The following THSD7A variants were observed in gnomAD, a reference collection of about 807,000 sequenced individuals.
THSD7A encodes thrombospondin type 1 domain containing 7A.
Under a neutral mutation model 231.3 loss-of-function variants are expected in THSD7A, and 96 were observed. That is an observed-to-expected ratio of 0.41 (90% CI 0.35 to 0.49). The LOEUF (loss-of-function observed/expected upper bound fraction) is 0.49, where lower values mean the gene tolerates loss of function less well. Among genes scored for constraint, THSD7A ranks in the 20% least tolerant of loss-of-function variants. The pLI, the probability that THSD7A is intolerant of heterozygous loss-of-function variation, is 0.05. For missense variants in THSD7A, 2,290 were observed against 2,070.2 expected (o/e 1.11, Z -2.06); for synonymous variants, 940 against 743.3 (o/e 1.26, Z -4.30).
intron 1 of THSD7A, among the ~76,000 whole-genome samples, chr7:11,673,208 G>A (rs1021392021): frequency 2.0e-5 from 3 of 152,060 alleles, no homozygotes; most frequent in African/African-American, 7.2e-5. Context: ...GTAAGGAAGA[G>A]GTGAGTAAAA....
In THSD7A at chr7:11,374,200, A is replaced by G. The variant is rs1583624730; in HGVS notation, c.*1594T>C. The G allele has an allele frequency of 1.3e-5, 2 of 152,250 alleles. No individual in the cohort carries two copies. Among genetic ancestry groups the G allele is most frequent in the East Asian group, 3.9e-4 (2 of 5,184 alleles). 9.4% of individuals were successfully genotyped at this position (152,250 alleles called of 1,614,324 possible). On this transcript the variant is annotated 3_prime_UTR_variant, in exon 28 of 28. Coordinates refer to ENST00000423059, the MANE Select transcript of THSD7A (RefSeq NM_015204.3). Reference sequence around the variant, plus strand: ...GTTTTTGTAAGGGAAGTTATATAGGAAAACAGTTATGTTCATTCTTTTATT... The same window carrying G: ...GTTTTTGTAAGGGAAGTTATATAGGGAAACAGTTATGTTCATTCTTTTATT...
At chr7:11,476,914 A>T (rs1274182270) in intron 7 of THSD7A, among the ~76,000 whole-genome samples, 4 of 152,174 alleles carry the variant, frequency 2.6e-5, no homozygotes, top group Non-Finnish European at 4.4e-5. Context: ...AGTGAAATTA[A>T]AAGTATGATA....
chr7:11,590,722 C>G lies in THSD7A; in HGVS notation c.1272-81G>C. The stretch of plus-strand genomic sequence containing the variant: ...CTACTCCTGTCATACTTTGTTTTAA[C>G]GAAAATTAGTCTCAAAATCATTTTC... On this transcript the variant is annotated intron_variant, in intron 3 of 27. Coordinates refer to ENST00000423059, the MANE Select transcript of THSD7A (RefSeq NM_015204.3). This position sits in a 1 kb window ranked among gnomAD's most constrained non-coding sequence, Gnocchi z 4.4. 7.0e-7 allele frequency: 1 copy of G among 1,431,792 alleles called. No homozygotes were observed. Among genetic ancestry groups the G allele is most frequent in the African/African-American group, 1.4e-5 (1 of 69,726 alleles). 88.7% of individuals were successfully genotyped at this position (1,431,792 alleles called of 1,614,324 possible).
At chr7:11,723,972 A>G (rs1036675182) in intron 1 of THSD7A, among the ~76,000 whole-genome samples, 14 of 151,908 alleles carry the variant, frequency 9.2e-5, no homozygotes, top group Admixed American at 9.2e-4. Context: ...GAATAGACCC[A>G]AAAGCAGTAA....
At chr7:11,525,190 C>T (rs146216462) in intron 6 of THSD7A, among the ~76,000 whole-genome samples, 56 of 152,262 alleles carry the variant, frequency 3.7e-4, no homozygotes, top group African/African-American at 1.3e-3. Context: ...TCAGATGCAA[C>T]TTCTGTTTGT....
intron 1 of THSD7A, among the ~76,000 whole-genome samples, chr7:11,717,321 C>A (rs541420236): frequency 6.6e-6 from 1 of 151,776 alleles, no homozygotes; most frequent in Non-Finnish European, 1.5e-5. Flanking sequence ...GTGATCTGTG[C>A]TTTTCCTTTT....
intron 4 of THSD7A, among the ~76,000 whole-genome samples, chr7:11,578,163 C>T (rs13229378): frequency 0.18 from 26,762 of 151,882 alleles, 2,421 homozygotes; most frequent in East Asian, 0.22. Flanking sequence ...GGATTTGGAG[C>T]GAAACTGTTA....
intron 1 of THSD7A, among the ~76,000 whole-genome samples, chr7:11,688,106 T>C (rs1376583406): frequency 8.2e-6 from 1 of 122,162 alleles, no homozygotes; most frequent in Non-Finnish European, 1.6e-5. Flanking sequence ...TTCCCCTTCC[T>C]GTGTCCATGT....
chr7:11,793,542 TA>T (rs1165502711), intron 1 of THSD7A, among the ~76,000 whole-genome samples: 2 of 144,188 alleles, frequency 1.4e-5, no homozygotes, highest in Admixed American at 1.4e-4. Context: ...GAAAATAGGT[TA>T]AAATGAAAAA....
chr7:11,741,696 G>A (rs1175665060), intron 1 of THSD7A, among the ~76,000 whole-genome samples: 2 of 151,546 alleles, frequency 1.3e-5, no homozygotes, highest in African/African-American at 4.9e-5. Context: ...CTTTAGGAGG[G>A]GAAAAGTATA....
rs11464092 is a variant in THSD7A, at chr7:11,428,886, G to GA, written c.3243+60dup. 0.013 allele frequency: 19,122 copies of GA among 1,525,602 alleles called. 1,274 individuals are homozygous for GA. The African/African-American group carries it at 0.18, about 15-fold the overall frequency. The allele number at this position is 1,525,602 out of a possible 1,614,324, so 94.5% of individuals were successfully genotyped here. A position where few individuals can be genotyped will look rare whatever the true frequency, so the allele number is the denominator to read the frequency against. On this transcript the variant is annotated intron_variant, in intron 14 of 27. Transcript: ENST00000423059. ...ATTATTTCCTCTTCTCCATTTTGGA[G>GA]AAAAAATCAGATCATTGTGAATCTC...
intron 4 of THSD7A, among the ~76,000 whole-genome samples, chr7:11,586,947 G>A (rs1779934300): frequency 6.6e-6 from 1 of 152,050 alleles, no homozygotes; most frequent in African/African-American, 2.4e-5. Flanking sequence ...CCAGATTTTA[G>A]TGTGGATTTT....
chr7:11,451,707 GGCTGA>G (rs144959582), intron 11 of THSD7A, among the ~76,000 whole-genome samples: 7,602 of 152,080 alleles, frequency 0.05, 232 homozygotes, highest in East Asian at 0.075. Context: ...AGATAACACT[GGCTGA>G]GCTAAGAGGA....
At chr7:11,503,178 C>A (rs1219148997) in intron 6 of THSD7A, among the ~76,000 whole-genome samples, 2 of 152,152 alleles carry the variant, frequency 1.3e-5, no homozygotes, top group Non-Finnish European at 2.9e-5. Flanking sequence ...ACCATCTGAT[C>A]TTTGACAAGG....
chr7:11,541,667 A>G (rs1366611517), intron 5 of THSD7A, 36 bp from the exon 6 acceptor site: 8 of 1,577,092 alleles, frequency 5.1e-6, no homozygotes, highest in South Asian at 4.5e-5. Flanking sequence ...TATTGTTACT[A>G]TCAAAGGTTT....
intron 1 of THSD7A, among the ~76,000 whole-genome samples, chr7:11,824,829 TTTAA>T (rs1784978605): frequency 1.3e-5 from 2 of 152,134 alleles, no homozygotes; most frequent in South Asian, 4.1e-4. Context: ...AGTGACAGCA[TTTAA>T]TTGAGAATTG....
intron 1 of THSD7A, among the ~76,000 whole-genome samples, chr7:11,791,653 G>A (rs896262433): frequency 1.8e-4 from 27 of 151,888 alleles, no homozygotes; most frequent in African/African-American, 6.0e-4. Flanking sequence ...TTCCTTAGAC[G>A]AAAAGAGAGC....
At chr7:11,471,182 T>C (rs1010042754) in intron 8 of THSD7A, among the ~76,000 whole-genome samples, 1 of 152,004 alleles carries the variant, frequency 6.6e-6, no homozygotes, top group African/African-American at 2.4e-5. Context: ...TTCTGATTCC[T>C]AAGCAATTCT....
At chr7:11,497,284 G>A (rs1017570525) in intron 6 of THSD7A, among the ~76,000 whole-genome samples, 1 of 152,124 alleles carries the variant, frequency 6.6e-6, no homozygotes, top group Non-Finnish European at 1.5e-5. Flanking sequence ...AATGTGTGGG[G>A]ATTATGGGAA....
Sources: gnomAD v4.1 joint callset for allele counts (sites outside exome capture counted in the v4.1 genomes callset) on GRCh38, gnomAD v4.1.1 for gene constraint, Gnocchi (gnomAD v3.1) non-coding constraint, MANE v1.5 for transcripts, NCBI Gene and HGNC (gene_info 2026-07-23, HGNC 2026-07-21) for gene names.